The following MYO9B variants were observed in gnomAD, a reference collection of about 807,000 sequenced individuals.
MYO9B encodes myosin IXB.
In MYO9B, 71 loss-of-function variants were observed where a neutral mutation model predicts 229.5. The observed-to-expected ratio is 0.31, with a 90% CI of 0.26 to 0.38. MYO9B has a LOEUF of 0.38. Among genes scored for constraint, MYO9B ranks in the 10% least tolerant of loss-of-function variants. The pLI is 1.00. For synonymous variants in MYO9B, 1,185 were observed against 1,235.8 expected (o/e 0.96, Z 0.86); for missense variants, 2,255 against 2,920.5 (o/e 0.77, Z 5.25).
At chr19:17,208,841 C>G (rs1190317836) in intron 35 of MYO9B, among the ~76,000 whole-genome samples, 1 of 152,048 alleles carries the variant, frequency 6.6e-6, no homozygotes, top group Non-Finnish European at 1.5e-5. Flanking sequence ...AACCTGAGTC[C>G]CTCTGGTACT....
At chr19:17,165,291 G>A (rs1254902094) in intron 10 of MYO9B, among the ~76,000 whole-genome samples, 1 of 151,646 alleles carries the variant, frequency 6.6e-6, no homozygotes, top group African/African-American at 2.4e-5. Context: ...AGCCCAAGAG[G>A]TCGAGGCTGC....
Position 17,102,372 on chromosome 19 carries a change from G to T in MYO9B, c.655G>T (p.Ala219Ser). The T allele has an allele frequency of 6.2e-7, 1 of 1,614,024 alleles. No individual in the cohort carries two copies. The highest frequency in any genetic ancestry group is 8.5e-7 in the Non-Finnish European group (1 of 1,179,898). Residue 219 changes from alanine (A) to serine (S), a missense_variant, in exon 2 of 40, where the codon GCC becomes TCC. Physicochemically the swap from Ala to Ser is moderately conservative, Grantham distance 99. Around this residue, in one of 7 missense-constraint regions of MYO9B, gnomAD observed 386 missense variants for 515.2 expected, o/e 0.75. Coordinates refer to ENST00000682292, the MANE Select transcript of MYO9B (RefSeq NM_004145.4). ...GKLEPHVFALADVAYYTMLRK... is the reference protein window; with the variant it reads ...GKLEPHVFALSDVAYYTMLRK... ...GCTGGAGCCACACGTCTTCGCGCTG[G>T]CCGACGTGGCCTACTACACCATGCT...
intron 2 of MYO9B, among the ~76,000 whole-genome samples, chr19:17,135,999 G>A (rs965462802): frequency 3.9e-5 from 6 of 152,200 alleles, no homozygotes; most frequent in Middle Eastern, 3.4e-3. Context: ...ACACCCCAGG[G>A]CCACCAACAG....
At chr19:17,151,005 C>T (rs1026800096) in intron 3 of MYO9B, among the ~76,000 whole-genome samples, 3 of 147,404 alleles carry the variant, frequency 2.0e-5, no homozygotes, top group East Asian at 1.9e-4. Context: ...TAAGGCCGGG[C>T]GCAGTGGCTC....
At chr19:17,125,656 A>G (rs976556430) in intron 2 of MYO9B, among the ~76,000 whole-genome samples, 3 of 152,096 alleles carry the variant, frequency 2.0e-5, no homozygotes, top group Admixed American at 1.3e-4. Flanking sequence ...CTGTAATGCC[A>G]TCTGCGTCTG....
chr19:17,106,080 G>C (rs923881923), intron 2 of MYO9B, among the ~76,000 whole-genome samples: 1 of 146,210 alleles, frequency 6.8e-6, no homozygotes, highest in South Asian at 2.2e-4. Context: ...ATAACTCACC[G>C]CAGCCTCGAG....
Position 17,207,185 on chromosome 19 carries a change from G to A in MYO9B, c.5565G>A (p.Leu1855=). 1 of 1,604,460 alleles carries A rather than the reference G, an allele frequency of 6.2e-7. No homozygotes were observed. Among genetic ancestry groups the A allele is most frequent in the Non-Finnish European group, 8.5e-7 (1 of 1,176,460 alleles). ...CCATTATCTTCGCACCCTGCCTCCT[G>A]CGCTGCCCTGACAACTCGGACCCGC... ...ALAIIFAPCL[L]RCPDNSDPLT... is the part of the protein sequence containing the mutation. The change falls in exon 35 of 40, where the codon CTG becomes CTA. Residue 1855 remains leucine (L), a synonymous_variant. Coordinates refer to ENST00000682292, the MANE Select transcript of MYO9B (RefSeq NM_004145.4).
intron 1 of MYO9B, among the ~76,000 whole-genome samples, chr19:17,083,499 C>T (rs1211640711): frequency 6.6e-6 from 1 of 152,146 alleles, no homozygotes; most frequent in South Asian, 2.1e-4. Flanking sequence ...GTCTGGATAA[C>T]CAGAAATGTC....
chr19:17,152,732 T>C, intron 4 of MYO9B, 26 bp downstream of exon 4: 1 of 1,585,520 alleles, frequency 6.3e-7, no homozygotes, highest in Non-Finnish European at 8.6e-7. Context: ...CCCAGGAATC[T>C]CTGAATGCCA....
intron 16 of MYO9B, chr19:17,184,110 G>C (rs573099258): frequency 7.5e-5 from 41 of 544,192 alleles, no homozygotes; most frequent in Admixed American, 1.8e-4. Context: ...GAGGGCTTAC[G>C]TGAGAAGGCA....
At chr19:17,140,570 C>T (rs2072326424) in intron 2 of MYO9B, among the ~76,000 whole-genome samples, 1 of 151,902 alleles carries the variant, frequency 6.6e-6, no homozygotes, top group Admixed American at 6.5e-5. Flanking sequence ...CTCACCGCAA[C>T]CTCCGCCTCC....
At chr19:17,197,646 G>C in intron 22 of MYO9B, 146 bp from the exon 23 acceptor site, 1 of 843,376 alleles carries the variant, frequency 1.2e-6, no homozygotes, top group East Asian at 2.7e-5. Flanking sequence ...CACCCAAGTG[G>C]TGACAACCAA....
At chr19:17,116,671 G>A (rs758528782) in intron 2 of MYO9B, among the ~76,000 whole-genome samples, 2 of 152,178 alleles carry the variant, frequency 1.3e-5, no homozygotes, top group Non-Finnish European at 2.9e-5. Flanking sequence ...GGCAGCCTGG[G>A]TGGGAAAGAG....
intron 11 of MYO9B, among the ~76,000 whole-genome samples, chr19:17,170,175 G>A (rs2072707294): frequency 1.3e-5 from 2 of 151,960 alleles, no homozygotes; most frequent in East Asian, 1.9e-4. Flanking sequence ...GGGACCATAG[G>A]TGTGAGCCAT....
At chr19:17,126,727 C>T (rs193035714) in intron 2 of MYO9B, among the ~76,000 whole-genome samples, 3 of 146,442 alleles carry the variant, frequency 2.0e-5, no homozygotes, top group East Asian at 2.0e-4. Context: ...TGCAGTGGTG[C>T]GATCTCAGCT....
At chr19:17,197,427 G>GATAGATAGATAGATAGATAGATAGATAC (rs2073056757) in intron 22 of MYO9B, among the ~76,000 whole-genome samples, 1 of 140,966 alleles carries the variant, frequency 7.1e-6, no homozygotes, top group Non-Finnish European at 1.5e-5. Context: ...TAGATAGATA[G>GATAGATAGATAGATAGATAGATAGATAC]ATAGATAGAT....
intron 17 of MYO9B, 45 bp from the exon 18 acceptor site, chr19:17,185,876 C>T (rs748567262): frequency 1.1e-5 from 17 of 1,518,232 alleles, no homozygotes; most frequent in Non-Finnish European, 1.6e-5. Context: ...CAGCGGCTGT[C>T]AGGGTCCCTG....
At chr19:17,110,337 T>C (rs536249168) in intron 2 of MYO9B, among the ~76,000 whole-genome samples, 3 of 152,314 alleles carry the variant, frequency 2.0e-5, no homozygotes, top group African/African-American at 7.2e-5. Context: ...GCAGAAGCCA[T>C]GAGTCTCCCC....
chr19:17,182,835 T>C (rs1439585623), intron 15 of MYO9B, among the ~76,000 whole-genome samples: 1 of 152,170 alleles, frequency 6.6e-6, no homozygotes, highest in African/African-American at 2.4e-5. Context: ...ATTTATTTAT[T>C]TTCCCCCTTG....
Sources: allele counts gnomAD v4.1 joint callset (sites outside exome capture counted in the v4.1 genomes callset), GRCh38; gene constraint gnomAD v4.1.1; regional missense constraint gnomAD v4.1.1; transcripts MANE v1.5; gene names NCBI Gene and HGNC (gene_info 2026-07-23, HGNC 2026-07-21).